Variants in SDCCAG8 observed in about 807,000 individuals in gnomAD.
SDCCAG8 encodes SHH signaling and ciliogenesis regulator SDCCAG8.
Under a neutral mutation model 101.8 loss-of-function variants are expected in SDCCAG8, and 74 were observed. The observed-to-expected ratio is 0.73, with a 90% CI of 0.60 to 0.88. The LOEUF is 0.88. Ranked by LOEUF, SDCCAG8 falls within the 40% of genes least tolerant of loss-of-function variation. The pLI is 0.00. For missense variants in SDCCAG8, 787 were observed against 822.6 expected (o/e 0.96, Z 0.53); for synonymous variants, 281 against 292.9 (o/e 0.96, Z 0.41).
intron 16 of SDCCAG8, among the ~76,000 whole-genome samples, chr1:243,451,914 G>C (rs1201409950): frequency 2.6e-5 from 4 of 152,194 alleles, no homozygotes; most frequent in African/African-American, 9.7e-5. Flanking sequence ...GGGCAGTAGA[G>C]CCAGACTTTG....
In SDCCAG8 at chr1:243,257,652, A is replaced by G. The variant is rs998381504; in HGVS notation, c.67+1412A>G. On this transcript the variant is annotated intron_variant, in intron 1 of 17. Coordinates refer to ENST00000366541, the MANE Select transcript of SDCCAG8 (RefSeq NM_006642.5). ...GACTCTAGATTTTATAAGGGTTACT[A>G]TGTATTGTTACATCTGTCAATTGTG... is the stretch of plus-strand genomic sequence containing the variant. Among the ~76,000 whole-genome samples, 3 of 152,236 alleles carry G rather than the reference A, an allele frequency of 2.0e-5. No homozygotes were observed. In the East Asian group the frequency reaches 5.8e-4, roughly 29 times the overall value.
rs1363438968 is a variant in SDCCAG8, at chr1:243,258,247, G to A, written c.67+2007G>A. On this transcript the variant is annotated intron_variant, in intron 1 of 17. Coordinates refer to ENST00000366541, the MANE Select transcript of SDCCAG8 (RefSeq NM_006642.5). ...TGAATCAGGAAATGTAACCTGAAAT[G>A]TTTATGGGTTTTTCAGGACATATCA... is the stretch of plus-strand genomic sequence containing the variant. 4.6e-5 allele frequency among the ~76,000 whole-genome samples: 7 copies of A among 152,046 alleles called. 1 individual carries two copies. In the South Asian group the frequency reaches 1.5e-3, roughly 32 times the overall value.
At chr1:243,445,467 G>T (rs1222836648) in intron 16 of SDCCAG8, among the ~76,000 whole-genome samples, 1 of 152,156 alleles carries the variant, frequency 6.6e-6, no homozygotes, top group Non-Finnish European at 1.5e-5. Context: ...AATATACAAT[G>T]GACATAAATA....
chr1:243,311,458 G>T (rs942195924), intron 8 of SDCCAG8, among the ~76,000 whole-genome samples: 1 of 152,050 alleles, frequency 6.6e-6, no homozygotes, highest in African/African-American at 2.4e-5. Context: ...CCACTAGAGA[G>T]GTGGACGAAG....
chr1:243,498,988 C>T (rs74153905), intron 17 of SDCCAG8, among the ~76,000 whole-genome samples: 1,968 of 152,336 alleles, frequency 0.013, 42 homozygotes, highest in African/African-American at 0.045. Context: ...CCTTCCCACA[C>T]AGTGCACAGT....
intron 9 of SDCCAG8, among the ~76,000 whole-genome samples, chr1:243,321,556 T>C (rs531847061): frequency 2.0e-5 from 3 of 152,388 alleles, no homozygotes; most frequent in African/African-American, 7.2e-5. Context: ...GCAAAGCACA[T>C]GATTTCATTC....
intron 16 of SDCCAG8, among the ~76,000 whole-genome samples, chr1:243,447,022 CG>C (rs2082959142): frequency 6.6e-6 from 1 of 152,030 alleles, no homozygotes; most frequent in Admixed American, 6.6e-5. Context: ...GAGGCTGAGG[CG>C]GGCAGATCAC....
intron 16 of SDCCAG8, among the ~76,000 whole-genome samples, chr1:243,480,323 G>GGGT: frequency 7.5e-6 from 1 of 133,540 alleles, no homozygotes; most frequent in East Asian, 2.2e-4. Context: ...ATGGATGGGT[G>GGGT]GGATGGATGG....
At position 243,495,242 on chromosome 1, in the gene SDCCAG8, C is replaced by T. The variant is rs546256718; in HGVS notation, c.2113-4514C>T. On this transcript the variant is annotated intron_variant, in intron 17 of 17. Coordinates refer to ENST00000366541, the MANE Select transcript of SDCCAG8 (RefSeq NM_006642.5). ...TGTGCTGGGGCCTCCCTGGCCTGTG[C>T]GGGGCCGCCTCCCTCTCCCCGCCAA... 6.6e-5 allele frequency among the ~76,000 whole-genome samples: 10 copies of T among 152,324 alleles called. No homozygotes were observed. In the East Asian group the frequency reaches 7.7e-4, roughly 12 times the overall value.
intron 13 of SDCCAG8, among the ~76,000 whole-genome samples, chr1:243,415,096 C>T (rs1056303213): frequency 3.9e-5 from 6 of 152,080 alleles, no homozygotes; most frequent in South Asian, 4.1e-4. Context: ...ATGTGACCCA[C>T]GAGGGATTTT....
intron 1 of SDCCAG8, among the ~76,000 whole-genome samples, chr1:243,268,526 A>G (rs2067817840): frequency 6.6e-6 from 1 of 152,226 alleles, no homozygotes; most frequent in South Asian, 2.1e-4. Flanking sequence ...ATTGGTATGG[A>G]GAAAAATATG....
At chr1:243,473,406 G>T (rs529132276) in intron 16 of SDCCAG8, among the ~76,000 whole-genome samples, 7 of 151,408 alleles carry the variant, frequency 4.6e-5, no homozygotes, top group Non-Finnish European at 1.0e-4. Flanking sequence ...TCATCCACAT[G>T]TACATTATGC....
At chr1:243,432,382 G>A (rs944452967) in intron 16 of SDCCAG8, among the ~76,000 whole-genome samples, 2 of 152,138 alleles carry the variant, frequency 1.3e-5, no homozygotes, top group African/African-American at 2.4e-5. Context: ...CTGCCTGAGG[G>A]GAGGAGGTGG....
At chr1:243,291,076 T>C (rs2070203413) in intron 5 of SDCCAG8, among the ~76,000 whole-genome samples, 1 of 152,196 alleles carries the variant, frequency 6.6e-6, no homozygotes. Flanking sequence ...TTTAGGTGAA[T>C]GTAGTTTACC....
At chr1:243,421,218 A>G (rs2080973887) in intron 15 of SDCCAG8, among the ~76,000 whole-genome samples, 1 of 152,256 alleles carries the variant, frequency 6.6e-6, no homozygotes, top group Non-Finnish European at 1.5e-5. Context: ...TACTAGCAAC[A>G]TTACTCTAAG....
chr1:243,338,653 T>G (rs942799022), intron 10 of SDCCAG8: 1 of 152,244 alleles, frequency 6.6e-6, no homozygotes, highest in Non-Finnish European at 1.5e-5. Context: ...TCAATTGCTT[T>G]CCTTGACAGT....
intron 16 of SDCCAG8, among the ~76,000 whole-genome samples, chr1:243,429,259 C>A (rs1385594029): frequency 6.6e-6 from 1 of 152,098 alleles, no homozygotes; most frequent in African/African-American, 2.4e-5. Context: ...TTATGATTTT[C>A]TTAATATTTT....
intron 5 of SDCCAG8, among the ~76,000 whole-genome samples, chr1:243,286,950 T>C (rs1247083626): frequency 6.6e-6 from 1 of 152,216 alleles, no homozygotes; most frequent in African/African-American, 2.4e-5. Flanking sequence ...AAGATTAACC[T>C]ATACCAGGAG....
intron 6 of SDCCAG8, among the ~76,000 whole-genome samples, chr1:243,296,476 A>G (rs1045276691): frequency 7.4e-6 from 1 of 134,948 alleles, no homozygotes; most frequent in Non-Finnish European, 1.5e-5. Context: ...TTTACCTCCT[A>G]TTCTTGCTTC....
Sources: gnomAD v4.1 joint callset for allele counts (sites outside exome capture counted in the v4.1 genomes callset) on GRCh38, gnomAD v4.1.1 for gene constraint, MANE v1.5 for transcripts, NCBI Gene and HGNC (gene_info 2026-07-23, HGNC 2026-07-21) for gene names.